TRERF1: variants seen among roughly 807,000 people sequenced by gnomAD.
The protein encoded by TRERF1 is transcriptional regulating factor 1.
A neutral mutation model predicts 122.9 loss-of-function variants in TRERF1; 27 were observed. The observed-to-expected ratio is 0.22, with a 90% CI of 0.16 to 0.30. The LOEUF is 0.30. Ranked by LOEUF, TRERF1 falls within the 10% of genes least tolerant of loss-of-function variation. TRERF1 has a pLI of 1.00. For synonymous variants in TRERF1, 636 were observed against 641.7 expected (o/e 0.99, Z 0.13); for missense variants, 1,248 against 1,560.3 (o/e 0.80, Z 3.37).
At chr6:42,292,311 G>A (rs760588680) in intron 4 of TRERF1, among the ~76,000 whole-genome samples, 18 of 152,196 alleles carry the variant, frequency 1.2e-4, no homozygotes, top group Non-Finnish European at 2.4e-4. Context: ...CTCAGGGGCA[G>A]AAATTGCCAG....
intron 3 of TRERF1, among the ~76,000 whole-genome samples, chr6:42,305,455 G>C (rs1442616795): frequency 6.6e-6 from 1 of 152,174 alleles, no homozygotes; most frequent in Non-Finnish European, 1.5e-5. Context: ...TTAAGGGAGA[G>C]TGAAGATTAG....
At position 42,306,818 on chromosome 6, in the gene TRERF1, G is replaced by A. The variant is rs140604763; in HGVS notation, c.-370-6069C>T. 4.6e-3 allele frequency among the ~76,000 whole-genome samples: 698 copies of A among 152,322 alleles called. 2 individuals are homozygous for A. Among genetic ancestry groups the A allele is most frequent in the South Asian group, 9.3e-3 (45 of 4,826 alleles). On this transcript the variant is annotated intron_variant, in intron 3 of 17. Transcript: ENST00000372922. The stretch of plus-strand genomic sequence containing the variant: ...ATCACAGTTGTAATTAATCAATTAT[G>A]TGATTAACGAGTTGGTCTCCCCAGT...
intron 5 of TRERF1, among the ~76,000 whole-genome samples, chr6:42,267,272 T>C (rs1386813779): frequency 2.6e-5 from 4 of 152,082 alleles, no homozygotes; most frequent in Non-Finnish European, 5.9e-5. Context: ...AGTTCAAGGA[T>C]GCAGTGAGCT....
chr6:42,442,989 T>A (rs1786800769), intron 2 of TRERF1, among the ~76,000 whole-genome samples: 1 of 152,230 alleles, frequency 6.6e-6, no homozygotes, highest in Non-Finnish European at 1.5e-5. Context: ...CTTCTCTGGT[T>A]GTTGCAGAAC....
At chr6:42,266,058 C>T (rs1779110142) in intron 5 of TRERF1, among the ~76,000 whole-genome samples, 1 of 152,114 alleles carries the variant, frequency 6.6e-6, no homozygotes, top group Non-Finnish European at 1.5e-5. Flanking sequence ...GGATGCAACT[C>T]CCCCACCGTG....
intron 2 of TRERF1, among the ~76,000 whole-genome samples, chr6:42,436,812 AAAATATATATATATAT>A (rs1325649442): frequency 4.1e-5 from 4 of 97,958 alleles, no homozygotes; most frequent in South Asian, 4.5e-4. Context: ...AAAAAAAAAA[AAAATATATATATATAT>A]ATATATATAT....
chr6:42,269,756 G>C lies in TRERF1; in HGVS notation c.-166C>G. On this transcript the variant is annotated 5_prime_UTR_variant, in exon 5 of 18. Coordinates refer to ENST00000372922, the Ensembl canonical transcript of TRERF1. This position sits in a 1 kb window ranked among gnomAD's most constrained non-coding sequence, Gnocchi z 4.9. ...TGGAGCCAGGTGTTCCTGTTGGCCT[G>C]TACCACTCATGTGCAGGGCGGGGGG... 1 of 1,442,372 alleles carries C rather than the reference G, an allele frequency of 6.9e-7. No homozygotes were observed. Among genetic ancestry groups the C allele is most frequent in the South Asian group, 1.5e-5 (1 of 67,422 alleles). 89.3% of individuals were successfully genotyped at this position (1,442,372 alleles called of 1,614,324 possible). A position where few individuals can be genotyped will look rare whatever the true frequency, so the allele number is the denominator to read the frequency against.
intron 17 of TRERF1, among the ~76,000 whole-genome samples, chr6:42,230,873 G>A (rs964768445): frequency 2.0e-5 from 3 of 152,196 alleles, no homozygotes; most frequent in Non-Finnish European, 4.4e-5. Flanking sequence ...GGAGCACAAG[G>A]CCAGGCCAGC....
chr6:42,246,609 AT>A, intron 13 of TRERF1, 65 bp from the exon 14 acceptor site: 1 of 1,211,110 alleles, frequency 8.3e-7, no homozygotes, highest in Non-Finnish European at 1.2e-6. Flanking sequence ...TTGCTGGTTC[AT>A]TTAGTTAAGT....
intron 2 of TRERF1, among the ~76,000 whole-genome samples, chr6:42,382,697 C>CT (rs930196310): frequency 1.8e-4 from 27 of 150,742 alleles, no homozygotes; most frequent in East Asian, 9.7e-4. Context: ...ATTCGTGCAG[C>CT]TTTTTTTTTC....
At chr6:42,262,231 T>C (rs911791192) in intron 8 of TRERF1, among the ~76,000 whole-genome samples, 1 of 152,088 alleles carries the variant, frequency 6.6e-6, no homozygotes, top group African/African-American at 2.4e-5. Context: ...GGACTTGATA[T>C]TACACCATAA....
At chr6:42,338,164 A>G (rs1227757895) in intron 3 of TRERF1, among the ~76,000 whole-genome samples, 2 of 152,158 alleles carry the variant, frequency 1.3e-5, no homozygotes, top group Non-Finnish European at 2.9e-5. Context: ...GCAGGACCCA[A>G]AACAATACCA....
At chr6:42,434,668 CCACACACACACACACACACACA>C (rs3075920) in intron 2 of TRERF1, among the ~76,000 whole-genome samples, 2 of 114,896 alleles carry the variant, frequency 1.7e-5, no homozygotes, top group African/African-American at 5.7e-5. Flanking sequence ...ACACCCTCCA[CCACACACACACACACACACACA>C]CACACACACA....
chr6:42,250,093 G>A (rs975055738), intron 13 of TRERF1, among the ~76,000 whole-genome samples: 1 of 152,160 alleles, frequency 6.6e-6, no homozygotes, highest in Admixed American at 6.5e-5. Context: ...TGTGAACCCC[G>A]GGCAAGCCTA....
At chr6:42,448,164 C>G (rs1332866755) in intron 2 of TRERF1, among the ~76,000 whole-genome samples, 1 of 152,028 alleles carries the variant, frequency 6.6e-6, no homozygotes, top group Non-Finnish European at 1.5e-5. Context: ...TCCCAATTAC[C>G]CACAGAAAGC....
intron 4 of TRERF1, among the ~76,000 whole-genome samples, chr6:42,288,911 C>G (rs574773261): frequency 1.3e-5 from 2 of 151,878 alleles, no homozygotes; most frequent in African/African-American, 4.8e-5. Flanking sequence ...ATCTTAATGG[C>G]TCCCCTGAAG....
At chr6:42,320,796 C>CA (rs1308891834) in intron 3 of TRERF1, among the ~76,000 whole-genome samples, 1 of 152,190 alleles carries the variant, frequency 6.6e-6, no homozygotes, top group African/African-American at 2.4e-5. Context: ...ATGCGTAAGC[C>CA]ACCGCACCTG....
At chr6:42,241,296 T>A (rs1773639715) in intron 15 of TRERF1, among the ~76,000 whole-genome samples, 1 of 152,184 alleles carries the variant, frequency 6.6e-6, no homozygotes, top group South Asian at 2.1e-4. Context: ...AAATCCTGAA[T>A]GTAGAATACT....
At chr6:42,277,036 C>T (rs1011645017) in intron 4 of TRERF1, among the ~76,000 whole-genome samples, 1 of 152,186 alleles carries the variant, frequency 6.6e-6, no homozygotes, top group Non-Finnish European at 1.5e-5. Flanking sequence ...TCTGGGCTGG[C>T]TGTAGTTCTT....
Sources: gnomAD v4.1 joint callset for allele counts (sites outside exome capture counted in the v4.1 genomes callset) on GRCh38, gnomAD v4.1.1 for gene constraint, Gnocchi (gnomAD v3.1) non-coding constraint, MANE v1.5 for transcripts, NCBI Gene and HGNC (gene_info 2026-07-23, HGNC 2026-07-21) for gene names.